The following PPP1R16B variants were observed in gnomAD, a reference collection of about 807,000 sequenced individuals.
PPP1R16B encodes protein phosphatase 1 regulatory subunit 16B, also known as protein phosphatase 1 regulatory inhibitor subunit 16B.
PPP1R16B carries 14 observed loss-of-function variants against 61.7 expected under a neutral mutation model. That is an observed-to-expected ratio of 0.23 (90% CI 0.15 to 0.35). PPP1R16B has a LOEUF of 0.35. Ranked by LOEUF, PPP1R16B falls within the 10% of genes least tolerant of loss-of-function variation. The probability of loss-of-function intolerance (pLI) is 1.00; values close to 1 mark genes in which losing one functional copy is unlikely to be tolerated. For missense variants in PPP1R16B, 547 were observed against 752.5 expected, an observed-to-expected ratio of 0.73 and a Z score of 3.19; for synonymous variants, 266 against 305.3, an observed-to-expected ratio of 0.87 and a Z score of 1.34.
intron 10 of PPP1R16B, among the ~76,000 whole-genome samples, chr20:38,915,498 T>G (rs953749575): frequency 2.0e-5 from 3 of 152,332 alleles, no homozygotes; most frequent in South Asian, 4.1e-4. Context: ...TATATGGTTT[T>G]TTTTTGAGAC....
chr20:38,895,337 A>G (rs1322789234), intron 3 of PPP1R16B, among the ~76,000 whole-genome samples: 3 of 152,188 alleles, frequency 2.0e-5, no homozygotes, highest in Admixed American at 6.5e-5. Flanking sequence ...TTTATCTTAC[A>G]TATTATTAAC....
At chr20:38,876,726 G>A (rs13038742) in intron 2 of PPP1R16B, among the ~76,000 whole-genome samples, 108 of 152,276 alleles carry the variant, frequency 7.1e-4, no homozygotes, top group Non-Finnish European at 1.3e-3. Context: ...GGTCAGCCAG[G>A]TTGAGACTTT....
At chr20:38,911,931 A>C (rs1267194309) in intron 10 of PPP1R16B, among the ~76,000 whole-genome samples, 1 of 152,134 alleles carries the variant, frequency 6.6e-6, no homozygotes, top group South Asian at 2.1e-4. Context: ...TTTGGTGGAC[A>C]TAAGCACTAT....
At chr20:38,857,219 G>A (rs1410747031) in intron 2 of PPP1R16B, among the ~76,000 whole-genome samples, 1 of 152,122 alleles carries the variant, frequency 6.6e-6, no homozygotes, top group Admixed American at 6.5e-5. Flanking sequence ...GAAACAGAAG[G>A]CTCCTGGCTT....
intron 4 of PPP1R16B, among the ~76,000 whole-genome samples, chr20:38,898,508 A>C (rs998913148): frequency 9.2e-5 from 14 of 152,134 alleles, no homozygotes; most frequent in Admixed American, 7.2e-4. Context: ...AAGCTATTCT[A>C]GTCTGCAAAA....
chr20:38,889,731 C>T (rs45531438), intron 3 of PPP1R16B, 66 bp downstream of exon 3: 70,974 of 1,462,394 alleles, frequency 0.049, 2,098 homozygotes, highest in Non-Finnish European at 0.06. Flanking sequence ...CCCTGTTTCT[C>T]GGCACTTTCC....
At chr20:38,856,552 G>A (rs1207077085) in intron 2 of PPP1R16B, among the ~76,000 whole-genome samples, 1 of 152,098 alleles carries the variant, frequency 6.6e-6, no homozygotes, top group Non-Finnish European at 1.5e-5. Context: ...TCAAAGGATG[G>A]GTGAGGTTGC....
At chr20:38,835,194 C>T (rs1312300287) in intron 1 of PPP1R16B, among the ~76,000 whole-genome samples, 1 of 152,180 alleles carries the variant, frequency 6.6e-6, no homozygotes, top group Admixed American at 6.5e-5. Flanking sequence ...CCTGTCTGTC[C>T]CATCTCCAGT....
chr20:38,875,565 T>A (rs1451772311), intron 2 of PPP1R16B, among the ~76,000 whole-genome samples: 1 of 152,092 alleles, frequency 6.6e-6, no homozygotes, highest in Admixed American at 6.5e-5. Context: ...CGAGTCTGTA[T>A]CAGAAATGAC....
At chr20:38,902,578 C>T (rs2085403471) in intron 5 of PPP1R16B, 90 bp from the exon 6 acceptor site, 3 of 1,555,154 alleles carry the variant, frequency 1.9e-6, no homozygotes, top group East Asian at 4.5e-5. Context: ...TCCTAGGGAA[C>T]AAGAGCCATG....
chr20:38,823,779 G>C (rs1183875671), intron 1 of PPP1R16B, among the ~76,000 whole-genome samples: 1 of 152,152 alleles, frequency 6.6e-6, no homozygotes, highest in Non-Finnish European at 1.5e-5. Flanking sequence ...CCTGCCCAAG[G>C]CTCCAAAAGT....
At chr20:38,837,225 A>G (rs1287469050) in intron 2 of PPP1R16B, among the ~76,000 whole-genome samples, 1 of 152,234 alleles carries the variant, frequency 6.6e-6, no homozygotes, top group Admixed American at 6.5e-5. Flanking sequence ...TCCACTCTCT[A>G]TACTTCGTTT....
At chr20:38,889,454 G>A (rs908431325) in intron 2 of PPP1R16B, 141 bp from the exon 3 acceptor site, 32 of 709,302 alleles carry the variant, frequency 4.5e-5, no homozygotes, top group East Asian at 3.5e-4. Flanking sequence ...AATTCTGGGC[G>A]TCAGTTGTCT....
chr20:38,835,254 G>C (rs906546360), intron 1 of PPP1R16B, among the ~76,000 whole-genome samples: 1 of 152,210 alleles, frequency 6.6e-6, no homozygotes, highest in African/African-American at 2.4e-5. Context: ...GAGCAGAAGT[G>C]TCAGATGTTC....
intron 2 of PPP1R16B, among the ~76,000 whole-genome samples, chr20:38,845,886 C>T (rs992827217): frequency 2.0e-5 from 3 of 152,134 alleles, no homozygotes; most frequent in Non-Finnish European, 4.4e-5. Flanking sequence ...TTTCGCAGGG[C>T]TGTGAGGGGA....
chr20:38,894,780 G>A (rs975444860), intron 3 of PPP1R16B, among the ~76,000 whole-genome samples: 2 of 152,138 alleles, frequency 1.3e-5, no homozygotes, highest in Admixed American at 6.5e-5. Context: ...TGTCTCCTTG[G>A]GATCTTTTCC....
intron 4 of PPP1R16B, among the ~76,000 whole-genome samples, chr20:38,898,518 A>G (rs1263137448): frequency 2.6e-5 from 4 of 152,114 alleles, no homozygotes; most frequent in Admixed American, 2.6e-4. Flanking sequence ...AGTCTGCAAA[A>G]AACATCATTG....
chr20:38,908,262 C>T (rs1392582514), intron 10 of PPP1R16B, 69 bp downstream of exon 10: 2 of 1,574,946 alleles, frequency 1.3e-6, no homozygotes, highest in South Asian at 1.2e-5. Flanking sequence ...CCAGCCTGGC[C>T]TTGCCTCTTC....
In PPP1R16B at chr20:38,907,064, G is replaced by C. The variant is rs769273290; in HGVS notation, c.898+10G>C. ...GATGAGATGCCAATAGGTAAGTCCA[G>C]CACAATAGCTGGTGTGCACAAATAG... On this transcript the variant is annotated intron_variant, in intron 8 of 10. Transcript: ENST00000299824. This position sits in a 1 kb window ranked among gnomAD's most constrained non-coding sequence, Gnocchi z 4.5. 1 of 1,607,174 alleles carries C rather than the reference G, an allele frequency of 6.2e-7. No homozygotes were observed. Among genetic ancestry groups the C allele is most frequent in the East Asian group, 2.2e-5 (1 of 44,844 alleles).
Sources: gnomAD v4.1 joint callset for allele counts (sites outside exome capture counted in the v4.1 genomes callset) on GRCh38, gnomAD v4.1.1 for gene constraint, Gnocchi (gnomAD v3.1) non-coding constraint, MANE v1.5 for transcripts, NCBI Gene and HGNC (gene_info 2026-07-23, HGNC 2026-07-21) for gene names.